RYR1: variants seen among roughly 807,000 people sequenced by gnomAD.
RYR1 encodes ryanodine receptor 1, also known as central core disease of muscle.
Under a neutral mutation model 583.5 loss-of-function variants are expected in RYR1, and 342 were observed. That is an observed-to-expected ratio of 0.59 (90% CI 0.54 to 0.64). The LOEUF is 0.64. RYR1 is among the 30% of genes least tolerant of loss of function. The pLI, the probability that RYR1 is intolerant of heterozygous loss-of-function variation, is 0.00. For synonymous variants in RYR1, 2,791 were observed against 2,822.5 expected, an observed-to-expected ratio of 0.99 and a Z score of 0.35; for missense variants, 6,032 against 6,917.2, an observed-to-expected ratio of 0.87 and a Z score of 4.54.
At chr19:38,578,111 C>T (rs1285734542) in intron 98 of RYR1, 33 bp from the exon 99 acceptor site, 2 of 1,613,122 alleles carry the variant, frequency 1.2e-6, no homozygotes, top group East Asian at 2.2e-5. Context: ...GAGTCTGACA[C>T]TCAAGCATCT....
In RYR1 at chr19:38,496,220, T is replaced by C. The variant is rs1186616874; in HGVS notation, c.6554T>C (p.Ile2185Thr). ...CACACTCTGCCCGTGCACAGGAACA[T>C]CATGAACAACAAAGTCTTCTACCAA... ...ENLMIQSIGN[I>T]MNNKVFYQHP... Residue 2185 changes from isoleucine (I) to threonine (T), a missense_variant, in exon 40 of 106, where the codon ATC (isoleucine) becomes ACC (threonine). By Grantham distance (89) the Ile-to-Thr change is moderately conservative (BLOSUM62 -1). This residue lies in a region of RYR1 where 2,627 missense variants were observed against 2,961.3 expected (regional missense o/e 0.89). Coordinates refer to ENST00000359596, the MANE Select transcript of RYR1 (RefSeq NM_000540.3). The surrounding 1 kb of genome is among the most constrained non-coding windows in gnomAD (Gnocchi z 4.8). 5 of 1,613,360 alleles carry C rather than the reference T, an allele frequency of 3.1e-6. No homozygotes were observed. Among genetic ancestry groups the C allele is most frequent in the African/African-American group, 1.3e-5 (1 of 74,888 alleles).
At chr19:38,585,176 T>G in intron 102 of RYR1, 77 bp downstream of exon 102, 2 of 1,537,152 alleles carry the variant, frequency 1.3e-6, no homozygotes, top group Non-Finnish European at 1.8e-6. Flanking sequence ...CAGGATCCAG[T>G]CGGCCTGCAT....
chr19:38,452,417 G>A (rs751641419), intron 12 of RYR1, among the ~76,000 whole-genome samples: 3 of 152,080 alleles, frequency 2.0e-5, no homozygotes, highest in East Asian at 1.9e-4. Context: ...CTGACAGAGC[G>A]AGACCCTTCT....
At chr19:38,538,665 A>G (rs1414028973) in intron 84 of RYR1, 1 of 152,442 alleles carries the variant, frequency 6.6e-6, no homozygotes, top group African/African-American at 2.4e-5. Flanking sequence ...AAATAAATCT[A>G]TTAGAATCAC....
chr19:38,453,088 G>C lies in RYR1; in HGVS notation c.1440+74G>C, dbSNP rs12460768. 3,906 of 1,493,130 alleles carry C rather than the reference G, an allele frequency of 2.6e-3. 31 individuals carry two copies. The highest frequency in any genetic ancestry group is 9.1e-3 in the South Asian group (773 of 85,406). 92.5% of individuals were successfully genotyped at this position (1,493,130 alleles called of 1,614,324 possible). On this transcript the variant is annotated intron_variant, in intron 13 of 105. Transcript: ENST00000359596. The stretch of plus-strand genomic sequence containing the variant: ...GACCACTGAGGGGCGGGGCCACGGC[G>C]CTGGGCGGGGCAGGGCCTGAGGGAC...
intron 66 of RYR1, 117 bp downstream of exon 66, chr19:38,517,808 G>A (rs1971044269): frequency 1.0e-6 from 1 of 1,002,126 alleles, no homozygotes; most frequent in Non-Finnish European, 1.5e-6. Flanking sequence ...CAGAGTGTAG[G>A]TTTTTTCAGC....
Position 38,525,447 on chromosome 19 carries a change from T to C in RYR1, c.10571T>C (p.Met3524Thr). 6.2e-7 allele frequency: 1 copy of C among 1,613,654 alleles called. No homozygotes were observed. The highest frequency in any genetic ancestry group is 8.5e-7 in the Non-Finnish European group (1 of 1,179,902). Residue 3524 changes from methionine (M) to threonine (T), a missense_variant, in exon 71 of 106, where the codon ATG becomes ACG. Physicochemically the swap from Met to Thr is moderately conservative, Grantham distance 81. Transcript: ENST00000359596. ...AAGATGCTGCCCATCGGCCTGAATA[T>C]GTGTGCGCCCACCGACCAAGACCTC... ...LKKMLPIGLNMCAPTDQDLIT... is the reference protein window; with the variant it reads ...LKKMLPIGLNTCAPTDQDLIT...
intron 49 of RYR1, 39 bp from the exon 50 acceptor site, chr19:38,504,180 GC>G (rs758572177): frequency 6.3e-7 from 1 of 1,586,136 alleles, no homozygotes; most frequent in South Asian, 1.1e-5. Flanking sequence ...ATTCGCTGGT[GC>G]CCCCCTCATT....
intron 78 of RYR1, among the ~76,000 whole-genome samples, chr19:38,533,039 G>A (rs1011946883): frequency 6.6e-6 from 1 of 151,938 alleles, no homozygotes; most frequent in African/African-American, 2.4e-5. Flanking sequence ...GATACAGGCA[G>A]AGGGGTCAGG....
At position 38,528,620 on chromosome 19, in the gene RYR1, C is replaced by T. The variant is rs1971589720; in HGVS notation, c.10959C>T (p.Phe3653=). 3 of 1,614,032 alleles carry T rather than the reference C, an allele frequency of 1.9e-6. No homozygotes were observed. The highest frequency in any genetic ancestry group is 1.1e-5 in the South Asian group (1 of 91,084). ...GCAGGCACCGGGCATGTAACATGTT[C>T]CTGGAGAGCTACAAGGCTGCATGGA... ...NLPTHRACNM[F]LESYKAAWIL... is the part of the protein sequence containing the mutation. Residue 3653 remains phenylalanine (F), a synonymous_variant, in exon 75 of 106, where the codon TTC becomes TTT. Coordinates refer to ENST00000359596, the MANE Select transcript of RYR1 (RefSeq NM_000540.3).
chr19:38,468,883 T>G, intron 25 of RYR1, 83 bp from the exon 26 acceptor site: 1 of 1,431,680 alleles, frequency 7.0e-7, no homozygotes, highest in Non-Finnish European at 9.7e-7. Context: ...TCTGTCTTCA[T>G]ATATCTCTCC....
chr19:38,562,141 G>A (rs187188386), intron 90 of RYR1, among the ~76,000 whole-genome samples: 1 of 152,086 alleles, frequency 6.6e-6, no homozygotes, highest in Admixed American at 6.5e-5. Context: ...TGCCCTCACT[G>A]TAGCCCTGGC....
At chr19:38,535,058 C>A in intron 79 of RYR1, 83 bp from the exon 80 acceptor site, 2 of 1,395,050 alleles carry the variant, frequency 1.4e-6, no homozygotes, top group Non-Finnish European at 2.0e-6. Flanking sequence ...TCTCTCACAT[C>A]CCTTGGGATG....
rs923926453 is a variant in RYR1 at position 38,499,512 on chromosome 19, A to C, written c.7028-123A>C. 1.1e-5 allele frequency: 13 copies of C among 1,162,262 alleles called. No individual in the cohort carries two copies. Among genetic ancestry groups the C allele is most frequent in the Non-Finnish European group, 1.6e-5 (13 of 811,896 alleles). 72.0% of individuals were successfully genotyped at this position (1,162,262 alleles called of 1,614,324 possible). On this transcript the variant is annotated intron_variant, in intron 43 of 105. Coordinates refer to ENST00000359596, the MANE Select transcript of RYR1 (RefSeq NM_000540.3). The surrounding 1 kb of genome is among the most constrained non-coding windows in gnomAD (Gnocchi z 7.3). ...GGCAGGGGCCTGGTGTTACCTCTGG[A>C]GGTGTTGGGTCCTGGAGCTGGATGG... is the stretch of plus-strand genomic sequence containing the variant.
chr19:38,455,478 A>T lies in RYR1; in HGVS notation c.1604A>T (p.Asn535Ile). The T allele has an allele frequency of 6.2e-7, 1 of 1,614,158 alleles. No individual in the cohort carries two copies. The highest frequency in any genetic ancestry group is 1.3e-5 in the African/African-American group (1 of 75,038). The change falls in exon 15 of 106, where the codon AAC (asparagine) becomes ATC (isoleucine). Residue 535 changes from asparagine to isoleucine, a missense_variant. Coordinates refer to ENST00000359596, the MANE Select transcript of RYR1 (RefSeq NM_000540.3). ...TCTCTAATCCGTGGCAATCGTAGCAACTGTGCCCTCTTCTCCACAAACTTG... is the reference window on the plus strand; with the variant it reads ...TCTCTAATCCGTGGCAATCGTAGCATCTGTGCCCTCTTCTCCACAAACTTG... The part of the protein sequence containing the change: ...LASLIRGNRS[N>I]CALFSTNLDW...
rs118078199 is a variant in RYR1, at chr19:38,585,654, T to G, written c.14804-284T>G. Among the ~76,000 whole-genome samples, 206 of 151,682 alleles carry G rather than the reference T, an allele frequency of 1.4e-3. 8 individuals are homozygous for G. The East Asian group carries it at 0.032, about 23-fold the overall frequency. On this transcript the variant is annotated intron_variant, in intron 102 of 105. Coordinates refer to ENST00000359596, the MANE Select transcript of RYR1 (RefSeq NM_000540.3). ...ACACCCAGCTAATTTTTTTTATTTT[T>G]TTATTGTTAGTAGTGAGGGGGTTTC...
intron 88 of RYR1, among the ~76,000 whole-genome samples, chr19:38,547,259 G>C (rs1972474494): frequency 6.7e-6 from 1 of 149,518 alleles, no homozygotes; most frequent in Non-Finnish European, 1.5e-5. Context: ...CACCATGTTG[G>C]TCAGGATGGT....
intron 67 of RYR1, among the ~76,000 whole-genome samples, chr19:38,520,343 G>A (rs996440756): frequency 6.7e-6 from 1 of 149,662 alleles, no homozygotes; most frequent in Non-Finnish European, 1.5e-5. Flanking sequence ...TGGGATTACA[G>A]AAGTGAGCCA....
At position 38,489,598 on chromosome 19, in the gene RYR1, TCCATGGAGATGAGA is replaced by T. The variant is rs369298272; in HGVS notation, c.5814+165_5814+178del. Among the ~76,000 whole-genome samples the T allele has an allele frequency of 1.8e-3, 280 of 152,342 alleles. 1 individual carries two copies. Among genetic ancestry groups the T allele is most frequent in the African/African-American group, 6.2e-3 (257 of 41,586 alleles). The stretch of plus-strand genomic sequence containing the variant: ...TGCCAACTTGGAAAGATCTCTGTTT[TCCATGGAGATGAGA>T]CCATGGAGAAGGCAGTCTTTTTTGT... On this transcript the variant is annotated intron_variant, in intron 35 of 105. Coordinates refer to ENST00000359596, the MANE Select transcript of RYR1 (RefSeq NM_000540.3).
Sources: gnomAD v4.1 joint callset for allele counts (sites outside exome capture counted in the v4.1 genomes callset) on GRCh38, gnomAD v4.1.1 for gene constraint, gnomAD v4.1.1 regional missense constraint, Gnocchi (gnomAD v3.1) non-coding constraint, MANE v1.5 for transcripts, NCBI Gene and HGNC (gene_info 2026-07-23, HGNC 2026-07-21) for gene names.